Variants in ADCY2 observed in about 807,000 individuals in gnomAD.
ADCY2 encodes the protein adenylate cyclase 2, also known as adenylate cyclase type 2.
A neutral mutation model predicts 125.2 loss-of-function variants in ADCY2; 31 were observed. The ratio of observed to expected loss-of-function variants is 0.25; its 90% CI spans 0.19 to 0.33. The LOEUF (loss-of-function observed/expected upper bound fraction) is 0.33, where lower values mean the gene tolerates loss of function less well. ADCY2 is among the 10% of genes least tolerant of loss of function. The pLI, the probability that ADCY2 is intolerant of heterozygous loss-of-function variation, is 1.00. For missense variants in ADCY2, 904 were observed against 1,418.2 expected (o/e 0.64, Z 5.82); for synonymous variants, 512 against 548.4 (o/e 0.93, Z 0.93).
chr5:7,789,217 G>C (rs1213531659), intron 19 of ADCY2, among the ~76,000 whole-genome samples: 2 of 152,098 alleles, frequency 1.3e-5, no homozygotes, highest in Non-Finnish European at 2.9e-5. Context: ...AAATGCTAAA[G>C]GCAAACTGCC....
intron 4 of ADCY2, chr5:7,690,458 T>A (rs1579319339): frequency 3.0e-6 from 1 of 337,896 alleles, no homozygotes; most frequent in Non-Finnish European, 5.3e-6. Flanking sequence ...TTATTCTTCA[T>A]ACTGAAGAAC....
At chr5:7,598,313 G>A (rs1390525253) in intron 3 of ADCY2, among the ~76,000 whole-genome samples, 5 of 152,178 alleles carry the variant, frequency 3.3e-5, no homozygotes. Context: ...TGGCTGCAGG[G>A]TAGGGGTGAG....
chr5:7,516,111 C>T (rs925763881), intron 2 of ADCY2, among the ~76,000 whole-genome samples: 14 of 146,112 alleles, frequency 9.6e-5, no homozygotes, highest in African/African-American at 3.2e-4. Flanking sequence ...ACTGCAGCAG[C>T]ATTAGACAAG....
chr5:7,405,301 CTCT>C (rs1739435111), intron 1 of ADCY2, among the ~76,000 whole-genome samples: 1 of 149,346 alleles, frequency 6.7e-6, no homozygotes, highest in Non-Finnish European at 1.5e-5. Context: ...ATTTGAACTA[CTCT>C]TTTTTTTTTT....
intron 7 of ADCY2, among the ~76,000 whole-genome samples, chr5:7,706,431 C>G (rs1390806537): frequency 1.3e-5 from 2 of 152,190 alleles, no homozygotes; most frequent in African/African-American, 4.8e-5. Flanking sequence ...TATGAAAATG[C>G]AGACATGTGC....
intron 2 of ADCY2, among the ~76,000 whole-genome samples, chr5:7,485,303 A>T (rs1279455049): frequency 2.0e-5 from 3 of 152,248 alleles, no homozygotes; most frequent in Non-Finnish European, 2.9e-5. Context: ...TCTGAGAGGC[A>T]AAAGGTTAAC....
At chr5:7,741,583 C>CCATCA (rs1742408831) in intron 14 of ADCY2, among the ~76,000 whole-genome samples, 1 of 7,424 alleles carries the variant, frequency 1.3e-4, no homozygotes. Context: ...CATCACCATC[C>CCATCA]CTATCACCAT....
chr5:7,444,448 C>A lies in ADCY2; in HGVS notation c.408+29678C>A, dbSNP rs573188174. Among the ~76,000 whole-genome samples the A allele has an allele frequency of 2.0e-5, 3 of 151,862 alleles. No homozygotes were observed. The East Asian group carries it at 5.8e-4, about 29-fold the overall frequency. ...TCTTTTTAGTTACTCCTTTTTTTTC[C>A]TCCTAAAGGATATTCTATAGCTAAC... is the stretch of plus-strand genomic sequence containing the variant. On this transcript the variant is annotated intron_variant, in intron 2 of 24. Coordinates refer to ENST00000338316, the MANE Select transcript of ADCY2 (RefSeq NM_020546.3).
At chr5:7,595,398 A>G (rs901809236) in intron 3 of ADCY2, among the ~76,000 whole-genome samples, 1 of 152,188 alleles carries the variant, frequency 6.6e-6, no homozygotes, top group Non-Finnish European at 1.5e-5. Context: ...CCTTCAAACT[A>G]TTTTGGAGCA....
chr5:7,775,484 A>T (rs1291148674), intron 18 of ADCY2, among the ~76,000 whole-genome samples: 1 of 151,610 alleles, frequency 6.6e-6, no homozygotes, highest in East Asian at 2.0e-4. Context: ...CCCACCTCCC[A>T]GGTTCAAGCA....
intron 3 of ADCY2, among the ~76,000 whole-genome samples, chr5:7,537,249 T>C (rs1426246717): frequency 6.6e-6 from 1 of 152,268 alleles, no homozygotes; most frequent in African/African-American, 2.4e-5. Context: ...TACAGGACTT[T>C]TGATTTATAC....
intron 4 of ADCY2, among the ~76,000 whole-genome samples, chr5:7,677,304 A>C (rs77550493): frequency 0.26 from 40,101 of 152,002 alleles, 6,738 homozygotes; most frequent in Non-Finnish European, 0.38. Context: ...AACAAACAAA[A>C]AAAAAGAAAT....
intron 2 of ADCY2, among the ~76,000 whole-genome samples, chr5:7,432,961 G>T (rs1740662507): frequency 8.9e-6 from 1 of 112,988 alleles, no homozygotes; most frequent in South Asian, 2.9e-4. Flanking sequence ...ACCTCAGTAA[G>T]GGTGTAAGAT....
At chr5:7,435,724 G>A (rs768585197) in intron 2 of ADCY2, among the ~76,000 whole-genome samples, 1 of 152,174 alleles carries the variant, frequency 6.6e-6, no homozygotes, top group Non-Finnish European at 1.5e-5. Context: ...CATTGTCCAC[G>A]TGTGTCAATA....
chr5:7,532,529 A>G (rs1221945873), intron 3 of ADCY2, among the ~76,000 whole-genome samples: 6 of 152,304 alleles, frequency 3.9e-5, no homozygotes, highest in Non-Finnish European at 4.4e-5. Flanking sequence ...CATTTGTCTA[A>G]TTTTTTATTT....
chr5:7,725,290 A>G (rs1297108059), intron 13 of ADCY2, among the ~76,000 whole-genome samples: 1 of 152,208 alleles, frequency 6.6e-6, no homozygotes, highest in Non-Finnish European at 1.5e-5. Context: ...AGTAATTTGC[A>G]TCATCCAACT....
At chr5:7,409,377 CTTAAATG>C (rs1175746481) in intron 1 of ADCY2, among the ~76,000 whole-genome samples, 1 of 152,146 alleles carries the variant, frequency 6.6e-6, no homozygotes, top group Admixed American at 6.5e-5. Context: ...TACCCCTGAA[CTTAAATG>C]TTAAAAATAA....
At chr5:7,574,619 T>C (rs562685326) in intron 3 of ADCY2, among the ~76,000 whole-genome samples, 4 of 152,318 alleles carry the variant, frequency 2.6e-5, no homozygotes, top group African/African-American at 4.8e-5. Context: ...CGTTCAAATC[T>C]ATGTAATATC....
chr5:7,458,694 A>G (rs958232468), intron 2 of ADCY2, among the ~76,000 whole-genome samples: 4 of 152,220 alleles, frequency 2.6e-5, no homozygotes, highest in African/African-American at 9.7e-5. Flanking sequence ...CAACACAGAT[A>G]TCACCATTAT....
Sources: allele counts gnomAD v4.1 joint callset (sites outside exome capture counted in the v4.1 genomes callset), GRCh38; gene constraint gnomAD v4.1.1; transcripts MANE v1.5; gene names NCBI Gene and HGNC (gene_info 2026-07-23, HGNC 2026-07-21).